The following AP3B1 variants were observed in gnomAD, a reference collection of about 807,000 sequenced individuals.
The protein encoded by AP3B1 is AP-3 complex subunit beta-1.
AP3B1 carries 61 observed loss-of-function variants against 132.5 expected under a neutral mutation model. The observed-to-expected ratio is 0.46, with a 90% CI of 0.37 to 0.57. AP3B1 has a LOEUF of 0.57. Ranked by LOEUF, AP3B1 falls within the 20% of genes least tolerant of loss-of-function variation. The pLI, the probability that AP3B1 is intolerant of heterozygous loss-of-function variation, is 0.00. For synonymous variants in AP3B1, 388 were observed against 438.3 expected, an observed-to-expected ratio of 0.89 and a Z score of 1.43; for missense variants, 1,120 against 1,289.4, an observed-to-expected ratio of 0.87 and a Z score of 2.01.
Position 78,281,277 on chromosome 5 carries a change from G to C in AP3B1, c.128+13175C>G, listed in dbSNP as rs186302389. On this transcript the variant is annotated intron_variant, in intron 1 of 26. Transcript: ENST00000255194. ...TGGCAAAACCCTATCTCTACTAAAA[G>C]CACAAAATTAGCCGGGCATGGTGGT... Among the ~76,000 whole-genome samples, 64 of 151,690 alleles carry C rather than the reference G, an allele frequency of 4.2e-4. 1 individual carries two copies. The highest frequency in any genetic ancestry group is 1.5e-3 in the African/African-American group (63 of 41,386).
At chr5:78,073,640 T>C (rs1034021242) in intron 22 of AP3B1, among the ~76,000 whole-genome samples, 1 of 152,186 alleles carries the variant, frequency 6.6e-6, no homozygotes, top group African/African-American at 2.4e-5. Context: ...ATGACAAAAC[T>C]GCCATAAAAG....
intron 1 of AP3B1, among the ~76,000 whole-genome samples, chr5:78,291,420 G>GAAAAAAAAAAAAA (rs5868911): frequency 6.1e-4 from 52 of 85,688 alleles, no homozygotes; most frequent in Non-Finnish European, 9.4e-4. Flanking sequence ...CAGATAATTT[G>GAAAAAAAAAAAAA]AAAAAAAAAA....
chr5:78,163,076 T>A (rs1012055166), intron 12 of AP3B1, 125 bp from the exon 13 acceptor site: 1 of 890,042 alleles, frequency 1.1e-6, no homozygotes, highest in African/African-American at 1.7e-5. Flanking sequence ...AAGCACAATA[T>A]GAGGACCAAG....
At chr5:78,199,808 C>T (rs1230959736) in intron 7 of AP3B1, among the ~76,000 whole-genome samples, 1 of 151,958 alleles carries the variant, frequency 6.6e-6, no homozygotes, top group Non-Finnish European at 1.5e-5. Context: ...GGGTAGAAAA[C>T]TAGATCTCCA....
chr5:78,240,975 T>A, intron 2 of AP3B1, 39 bp from the exon 3 acceptor site: 1 of 1,369,464 alleles, frequency 7.3e-7, no homozygotes, highest in Non-Finnish European at 1.0e-6. Context: ...GGAAATTCTA[T>A]ATATATTAAA....
intron 22 of AP3B1, among the ~76,000 whole-genome samples, chr5:78,056,036 C>G (rs1748799046): frequency 6.6e-6 from 1 of 152,160 alleles, no homozygotes; most frequent in South Asian, 2.1e-4. Context: ...AAAATTTCTA[C>G]TAGATACCTA....
chr5:78,246,429 A>G (rs1747382303), intron 2 of AP3B1, among the ~76,000 whole-genome samples: 1 of 152,220 alleles, frequency 6.6e-6, no homozygotes, highest in Non-Finnish European at 1.5e-5. Context: ...AATTGAATTC[A>G]GAGGTATTTT....
At chr5:78,165,281 T>C (rs887942776) in intron 12 of AP3B1, among the ~76,000 whole-genome samples, 1 of 152,196 alleles carries the variant, frequency 6.6e-6, no homozygotes, top group South Asian at 2.1e-4. Context: ...AATGAAACCG[T>C]TTTCATGACC....
chr5:78,177,000 T>A (rs564133410), intron 9 of AP3B1, among the ~76,000 whole-genome samples: 1 of 152,304 alleles, frequency 6.6e-6, no homozygotes, highest in South Asian at 2.1e-4. Context: ...AGTATAGTTT[T>A]TCAGTGATTC....
At chr5:78,021,687 T>TA in intron 24 of AP3B1, among the ~76,000 whole-genome samples, 1 of 152,116 alleles carries the variant, frequency 6.6e-6, no homozygotes. Context: ...TTCAGTGGCT[T>TA]AAAAAACCCT....
chr5:78,286,172 T>C (rs2112592583), intron 1 of AP3B1, among the ~76,000 whole-genome samples: 1 of 152,264 alleles, frequency 6.6e-6, no homozygotes, highest in South Asian at 2.1e-4. Flanking sequence ...GACCACATTC[T>C]CAACCTAGGC....
At chr5:78,184,086 T>C (rs1744493184) in intron 7 of AP3B1, among the ~76,000 whole-genome samples, 2 of 151,660 alleles carry the variant, frequency 1.3e-5, no homozygotes, top group Admixed American at 1.3e-4. Flanking sequence ...GAGACTCACT[T>C]GAACCCTGGG....
At chr5:78,179,407 T>G (rs1210548973) in intron 8 of AP3B1, among the ~76,000 whole-genome samples, 1 of 152,196 alleles carries the variant, frequency 6.6e-6, no homozygotes, top group East Asian at 1.9e-4. Flanking sequence ...CCAAAAGGAC[T>G]AAATGAGCCT....
At chr5:78,049,956 C>T (rs918952665) in intron 22 of AP3B1, among the ~76,000 whole-genome samples, 4 of 152,192 alleles carry the variant, frequency 2.6e-5, no homozygotes, top group Non-Finnish European at 5.9e-5. Context: ...CATGTTACCC[C>T]TCTGCTCAAA....
At chr5:78,282,051 C>T (rs1749080544) in intron 1 of AP3B1, among the ~76,000 whole-genome samples, 1 of 152,308 alleles carries the variant, frequency 6.6e-6, no homozygotes, top group South Asian at 2.1e-4. Context: ...TACCTGAAAG[C>T]CAAAGTTCTT....
At chr5:78,044,612 T>C (rs1163422426) in intron 22 of AP3B1, among the ~76,000 whole-genome samples, 5 of 152,192 alleles carry the variant, frequency 3.3e-5, no homozygotes, top group African/African-American at 1.2e-4. Context: ...GGAGTGGGAC[T>C]AGAGCAGAAC....
At chr5:78,056,450 G>A (rs1004503863) in intron 22 of AP3B1, among the ~76,000 whole-genome samples, 6 of 152,122 alleles carry the variant, frequency 3.9e-5, no homozygotes, top group African/African-American at 1.4e-4. Flanking sequence ...TTCAGCCCAC[G>A]TTAAAACACC....
intron 15 of AP3B1, among the ~76,000 whole-genome samples, chr5:78,134,149 C>CAACAAAAA (rs1752804620): frequency 5.4e-5 from 4 of 74,228 alleles, no homozygotes; most frequent in African/African-American, 2.2e-4. Flanking sequence ...AGACTCGCCT[C>CAACAAAAA]AAAAAAAAAA....
chr5:78,119,310 C>T (rs1403725662), intron 17 of AP3B1, among the ~76,000 whole-genome samples: 2 of 152,178 alleles, frequency 1.3e-5, no homozygotes, highest in African/African-American at 4.8e-5. Flanking sequence ...AACGCAGCTC[C>T]TCACCAGCAA....
Sources: gnomAD v4.1 joint callset for allele counts (sites outside exome capture counted in the v4.1 genomes callset) on GRCh38, gnomAD v4.1.1 for gene constraint, MANE v1.5 for transcripts, NCBI Gene and HGNC (gene_info 2026-07-23, HGNC 2026-07-21) for gene names.